Variants in ERBB4 observed in about 807,000 individuals in gnomAD.
The protein encoded by ERBB4 is receptor tyrosine-protein kinase erbB-4.
ERBB4 carries 42 observed loss-of-function variants against 158.0 expected under a neutral mutation model. That is an observed-to-expected ratio of 0.27 (90% CI 0.21 to 0.34). The LOEUF (loss-of-function observed/expected upper bound fraction) is 0.34. Ranked by LOEUF, ERBB4 falls within the 10% of genes least tolerant of loss-of-function variation. The pLI, the probability that ERBB4 is intolerant of heterozygous loss-of-function variation, is 1.00. For missense variants in ERBB4, 1,333 were observed against 1,624.1 expected (o/e 0.82, Z 3.08); for synonymous variants, 583 against 558.7 (o/e 1.04, Z -0.61).
At chr2:211,521,700 C>T (rs138284528) in intron 20 of ERBB4, among the ~76,000 whole-genome samples, 5 of 152,254 alleles carry the variant, frequency 3.3e-5, no homozygotes, top group African/African-American at 1.2e-4. Context: ...AAAGGTCAGC[C>T]TGACTCTCTT....
At chr2:212,049,206 G>C (rs2077336186) in intron 2 of ERBB4, among the ~76,000 whole-genome samples, 1 of 152,154 alleles carries the variant, frequency 6.6e-6, no homozygotes, top group Non-Finnish European at 1.5e-5. Context: ...GCTAACAACT[G>C]TAATTATAAT....
intron 1 of ERBB4, among the ~76,000 whole-genome samples, chr2:212,340,851 T>A (rs1452477537): frequency 6.6e-6 from 1 of 152,208 alleles, no homozygotes; most frequent in East Asian, 1.9e-4. Flanking sequence ...AATACATATT[T>A]GTCTATTCGA....
At chr2:211,796,970 A>G (rs1447292881) in intron 3 of ERBB4, among the ~76,000 whole-genome samples, 1 of 151,974 alleles carries the variant, frequency 6.6e-6, no homozygotes, top group Non-Finnish European at 1.5e-5. Context: ...ATAATTATAA[A>G]GAGTAAAATA....
chr2:212,330,487 G>T (rs187338264), intron 1 of ERBB4, among the ~76,000 whole-genome samples: 2 of 151,804 alleles, frequency 1.3e-5, no homozygotes, highest in African/African-American at 4.8e-5. Context: ...CATGGTGGCG[G>T]GTGCTTGTAG....
At chr2:212,002,535 T>C (rs1457624096) in intron 2 of ERBB4, among the ~76,000 whole-genome samples, 3 of 151,852 alleles carry the variant, frequency 2.0e-5, no homozygotes, top group African/African-American at 7.3e-5. Context: ...AAATAAATTC[T>C]AAAAATAAAA....
At chr2:211,661,956 G>A (rs1574943922) in intron 15 of ERBB4, among the ~76,000 whole-genome samples, 2 of 141,660 alleles carry the variant, frequency 1.4e-5, no homozygotes, top group Admixed American at 7.3e-5. Flanking sequence ...GGAGAATGGC[G>A]TGAACCCGGG....
At chr2:212,177,624 C>CT (rs1230463117) in intron 1 of ERBB4, among the ~76,000 whole-genome samples, 1 of 151,920 alleles carries the variant, frequency 6.6e-6, no homozygotes, top group Admixed American at 6.6e-5. Context: ...TTTCAAGAAG[C>CT]TTATCAATTA....
chr2:211,741,441 AT>A (rs1252110658), intron 5 of ERBB4, among the ~76,000 whole-genome samples: 1 of 124,588 alleles, frequency 8.0e-6, no homozygotes, highest in Non-Finnish European at 1.6e-5. Context: ...CTATAACTAT[AT>A]ATGTAGTTAT....
At chr2:212,211,629 A>AAAAAAAAC (rs148929858) in intron 1 of ERBB4, among the ~76,000 whole-genome samples, 176 of 148,540 alleles carry the variant, frequency 1.2e-3, no homozygotes, top group African/African-American at 3.7e-3. Context: ...AAAAAAAAAA[A>AAAAAAAAC]TGGATACATG....
intron 16 of ERBB4, among the ~76,000 whole-genome samples, chr2:211,640,570 C>T (rs947625108): frequency 3.1e-4 from 47 of 152,026 alleles, no homozygotes; most frequent in Admixed American, 2.7e-3. Context: ...GTCCAAGGTC[C>T]GAAGCATTCT....
At chr2:211,412,868 C>T (rs559112128) in intron 25 of ERBB4, among the ~76,000 whole-genome samples, 5 of 150,214 alleles carry the variant, frequency 3.3e-5, no homozygotes, top group African/African-American at 4.9e-5. Context: ...GCAGGAGAAT[C>T]GCTTGAACCT....
intron 1 of ERBB4, among the ~76,000 whole-genome samples, chr2:212,147,799 C>A (rs887859758): frequency 6.6e-6 from 1 of 152,146 alleles, no homozygotes; most frequent in Non-Finnish European, 1.5e-5. Context: ...CTACCATTAA[C>A]CCTCCGTGAA....
intron 2 of ERBB4, among the ~76,000 whole-genome samples, chr2:211,952,117 T>C (rs1220571306): frequency 1.3e-5 from 2 of 152,044 alleles, no homozygotes; most frequent in African/African-American, 4.8e-5. Flanking sequence ...AGGAGATAAA[T>C]ATAAAATTCT....
intron 12 of ERBB4, among the ~76,000 whole-genome samples, chr2:211,701,379 A>G (rs936538373): frequency 1.3e-5 from 2 of 152,166 alleles, no homozygotes; most frequent in South Asian, 2.1e-4. Flanking sequence ...CCTTGAAATG[A>G]CCTGGGATGC....
chr2:211,622,819 C>T (rs1466840983), intron 18 of ERBB4, among the ~76,000 whole-genome samples: 1 of 150,098 alleles, frequency 6.7e-6, no homozygotes, highest in Non-Finnish European at 1.5e-5. Flanking sequence ...AAAAATTAGC[C>T]AGGCATGGTG....
chr2:212,532,019 G>T (rs1290709825), intron 1 of ERBB4, among the ~76,000 whole-genome samples: 2 of 152,164 alleles, frequency 1.3e-5, no homozygotes, highest in Non-Finnish European at 1.5e-5. Context: ...TGGTAATTAG[G>T]AGTGTGGATC....
chr2:212,391,658 T>TATTA (rs1232224930), intron 1 of ERBB4, among the ~76,000 whole-genome samples: 13 of 138,814 alleles, frequency 9.4e-5, no homozygotes, highest in South Asian at 4.4e-4. Flanking sequence ...ATATATTATA[T>TATTA]TATGTATTAT....
chr2:212,520,753 G>C (rs978653792), intron 1 of ERBB4, among the ~76,000 whole-genome samples: 6 of 151,942 alleles, frequency 3.9e-5, no homozygotes, highest in Admixed American at 3.9e-4. Context: ...GGGAGTTTGA[G>C]GTTGTTGCAA....
At chr2:212,375,527 C>A (rs1472982693) in intron 1 of ERBB4, among the ~76,000 whole-genome samples, 5 of 152,064 alleles carry the variant, frequency 3.3e-5, no homozygotes, top group African/African-American at 4.8e-5. Flanking sequence ...AGTTGCTGGG[C>A]AACTACATAT....
Sources: allele counts gnomAD v4.1 joint callset (sites outside exome capture counted in the v4.1 genomes callset), GRCh38; gene constraint gnomAD v4.1.1; transcripts MANE v1.5; gene names NCBI Gene and HGNC (gene_info 2026-07-23, HGNC 2026-07-21).